ABLIM1: variants seen among roughly 807,000 people sequenced by gnomAD.
The protein encoded by ABLIM1 is actin-binding LIM protein 1.
ABLIM1 carries 40 observed loss-of-function variants against 107.0 expected under a neutral mutation model. The ratio of observed to expected loss-of-function variants is 0.37; its 90% CI spans 0.29 to 0.49. ABLIM1 has a LOEUF of 0.49. Ranked by LOEUF, ABLIM1 falls within the 20% of genes least tolerant of loss-of-function variation. The probability of loss-of-function intolerance (pLI) is 0.97; values close to 1 mark genes in which losing one functional copy is unlikely to be tolerated. For synonymous variants in ABLIM1, 357 were observed against 357.3 expected, an observed-to-expected ratio of 1.00 and a Z score of 0.01; for missense variants, 857 against 1,008.5, an observed-to-expected ratio of 0.85 and a Z score of 2.04.
intron 1 of ABLIM1, among the ~76,000 whole-genome samples, chr10:114,665,488 C>T (rs558536694): frequency 1.3e-5 from 2 of 152,306 alleles, no homozygotes; most frequent in Admixed American, 1.3e-4. Context: ...ATGGGAAGGA[C>T]GTCAAAGGAC....
intron 8 of ABLIM1, among the ~76,000 whole-genome samples, chr10:114,484,900 G>A (rs1053164525): frequency 6.6e-6 from 1 of 152,196 alleles, no homozygotes; most frequent in African/African-American, 2.4e-5. Context: ...TGGCCTACAT[G>A]AGCCATAGCC....
At chr10:114,634,150 T>TTTTTTTTTA (rs61002517) in intron 1 of ABLIM1, among the ~76,000 whole-genome samples, 4 of 127,396 alleles carry the variant, frequency 3.1e-5, no homozygotes, top group South Asian at 2.8e-4. Context: ...TTTTTTTTTT[T>TTTTTTTTTA]GAGACGGAGT....
intron 1 of ABLIM1, among the ~76,000 whole-genome samples, chr10:114,752,716 T>C (rs763258854): frequency 3.9e-5 from 6 of 152,192 alleles, no homozygotes; most frequent in Admixed American, 2.6e-4. Context: ...CTGAGTTAGT[T>C]TGCTGAGGAT....
At chr10:114,503,054 T>C (rs1438054423) in intron 6 of ABLIM1, among the ~76,000 whole-genome samples, 1 of 152,204 alleles carries the variant, frequency 6.6e-6, no homozygotes, top group Non-Finnish European at 1.5e-5. Flanking sequence ...GAATTATCCA[T>C]GTTAGTGTGT....
chr10:114,609,988 A>C (rs1224167749), intron 1 of ABLIM1, among the ~76,000 whole-genome samples: 1 of 152,228 alleles, frequency 6.6e-6, no homozygotes, highest in Non-Finnish European at 1.5e-5. Flanking sequence ...CCACATTTGG[A>C]AGCACTGTGT....
At chr10:114,771,130 C>T (rs2083019635), upstream of ABLIM1, among the ~76,000 whole-genome samples, 1 of 151,390 alleles carries the variant, frequency 6.6e-6, no homozygotes, top group African/African-American at 2.4e-5. Context: ...CGCACCCGGC[C>T]TATTCTTTTA....
intron 6 of ABLIM1, among the ~76,000 whole-genome samples, chr10:114,496,889 G>C (rs777810753): frequency 1.1e-4 from 16 of 152,188 alleles, no homozygotes; most frequent in Non-Finnish European, 1.2e-4. Flanking sequence ...GCCCTCCTTC[G>C]CATGTGTGAG....
intron 12 of ABLIM1, among the ~76,000 whole-genome samples, chr10:114,457,720 T>C (rs1056822251): frequency 4.6e-5 from 7 of 152,236 alleles, no homozygotes; most frequent in Admixed American, 4.6e-4. Flanking sequence ...AAGATATCAT[T>C]ATTTTCATCA....
At chr10:114,764,465 C>G (rs1017094135) in intron 1 of ABLIM1, among the ~76,000 whole-genome samples, 1 of 152,090 alleles carries the variant, frequency 6.6e-6, no homozygotes, top group Non-Finnish European at 1.5e-5. Flanking sequence ...CCTCAGCCTC[C>G]CGAGTAGCTG....
chr10:114,679,776 A>C (rs1263092313), intron 1 of ABLIM1, among the ~76,000 whole-genome samples: 1 of 152,184 alleles, frequency 6.6e-6, no homozygotes, highest in African/African-American at 2.4e-5. Flanking sequence ...CGTCATCCTA[A>C]GAAGTCAGGC....
chr10:114,447,114 G>A lies in ABLIM1; in HGVS notation c.1735+766C>T, dbSNP rs912836268. 3.9e-5 allele frequency among the ~76,000 whole-genome samples: 6 copies of A among 152,136 alleles called. No individual in the cohort carries two copies. In the South Asian group the frequency reaches 6.2e-4, roughly 16 times the overall value. ...TTGTTAACAGAAATGTGATAAGATC[G>A]TGTCTTTGTAAAGCTGACTCGCTAA... On this transcript the variant is annotated intron_variant, in intron 15 of 22. Transcript: ENST00000533213.
chr10:114,706,147 T>G (rs1555226251), intron 1 of ABLIM1, among the ~76,000 whole-genome samples: 1 of 152,166 alleles, frequency 6.6e-6, no homozygotes, highest in Non-Finnish European at 1.5e-5. Context: ...ATCTGCTGTG[T>G]AAAAAACAGT....
At chr10:114,522,322 C>T (rs563608065) in intron 6 of ABLIM1, among the ~76,000 whole-genome samples, 15 of 152,286 alleles carry the variant, frequency 9.8e-5, no homozygotes, top group African/African-American at 3.4e-4. Context: ...CCCACTTATT[C>T]CCTAAACTTC....
intron 6 of ABLIM1, among the ~76,000 whole-genome samples, chr10:114,540,593 G>A (rs2066534067): frequency 6.6e-6 from 1 of 152,168 alleles, no homozygotes; most frequent in Non-Finnish European, 1.5e-5. Context: ...ACAGCCCCAA[G>A]AGGCTGAACA....
At chr10:114,631,113 T>A (rs986833786) in intron 1 of ABLIM1, among the ~76,000 whole-genome samples, 31 of 152,228 alleles carry the variant, frequency 2.0e-4, no homozygotes, top group African/African-American at 7.5e-4. Flanking sequence ...TTTACTTTCT[T>A]AAGACAAGGT....
chr10:114,763,720 C>G (rs1158806568), intron 1 of ABLIM1, among the ~76,000 whole-genome samples: 1 of 152,124 alleles, frequency 6.6e-6, no homozygotes, highest in Non-Finnish European at 1.5e-5. Flanking sequence ...TTAAAAATAA[C>G]TTTTTTGAAA....
chr10:114,605,508 G>C (rs1285218779), intron 1 of ABLIM1, among the ~76,000 whole-genome samples: 2 of 152,154 alleles, frequency 1.3e-5, no homozygotes, highest in Non-Finnish European at 2.9e-5. Flanking sequence ...AAGTCATCAG[G>C]AGTTACTGGC....
intron 1 of ABLIM1, among the ~76,000 whole-genome samples, chr10:114,705,201 T>C (rs1332930851): frequency 6.6e-6 from 1 of 152,176 alleles, no homozygotes; most frequent in Non-Finnish European, 1.5e-5. Context: ...AGAGCATAGG[T>C]CATTTTTAAA....
intron 6 of ABLIM1, chr10:114,527,001 A>G: frequency 2.0e-6 from 2 of 982,124 alleles, no homozygotes; most frequent in African/African-American, 3.5e-5. Flanking sequence ...GGGGGAGTAG[A>G]TTTACTTTCT....
Sources: allele counts gnomAD v4.1 joint callset (sites outside exome capture counted in the v4.1 genomes callset), GRCh38; gene constraint gnomAD v4.1.1; transcripts MANE v1.5; gene names NCBI Gene and HGNC (gene_info 2026-07-23, HGNC 2026-07-21).